The following CDR2 variants were observed in gnomAD, a reference collection of about 807,000 sequenced individuals.
The protein encoded by CDR2 is cerebellar degeneration-related protein 2.
A neutral mutation model predicts 48.4 loss-of-function variants in CDR2; 34 were observed. That is an observed-to-expected ratio of 0.70 (90% CI 0.53 to 0.94). The LOEUF is 0.94. Ranked by LOEUF, CDR2 falls within the 40% of genes least tolerant of loss-of-function variation. The pLI, the probability that CDR2 is intolerant of heterozygous loss-of-function variation, is 0.00. For missense variants in CDR2, 498 were observed against 549.5 expected (o/e 0.91, Z 0.94); for synonymous variants, 240 against 219.7 (o/e 1.09, Z -0.82).
intron 2 of CDR2, among the ~76,000 whole-genome samples, chr16:22,353,318 G>A (rs1341564758): frequency 6.6e-6 from 1 of 152,194 alleles, no homozygotes; most frequent in Admixed American, 6.5e-5. Flanking sequence ...ATGGGAGGCA[G>A]TGGTATAGTA....
intron 1 of CDR2, 84 bp downstream of exon 1, chr16:22,374,146 CA>C (rs1177889805): frequency 2.2e-6 from 2 of 905,264 alleles, no homozygotes; most frequent in African/African-American, 3.5e-5. Context: ...CCTCCGCCGC[CA>C]CAAAAAGCAA....
chr16:22,354,457 T>C (rs1445394447), intron 2 of CDR2, among the ~76,000 whole-genome samples: 1 of 152,256 alleles, frequency 6.6e-6, no homozygotes, highest in Non-Finnish European at 1.5e-5. Context: ...CACTTTGGTA[T>C]GTTCTTAACA....
At chr16:22,369,099 T>C (rs890763129) in intron 1 of CDR2, 2 of 152,058 alleles carry the variant, frequency 1.3e-5, no homozygotes, top group African/African-American at 4.8e-5. Flanking sequence ...AAGTGGTAAT[T>C]CCTCACTGGG....
chr16:22,352,113 G>A (rs1490131249), intron 2 of CDR2, among the ~76,000 whole-genome samples: 1 of 152,170 alleles, frequency 6.6e-6, no homozygotes, highest in Non-Finnish European at 1.5e-5. Flanking sequence ...TTAGTCCGGC[G>A]TGGTGGCACG....
At chr16:22,368,643 CAG>C (rs1290384654) in intron 1 of CDR2, among the ~76,000 whole-genome samples, 1 of 152,178 alleles carries the variant, frequency 6.6e-6, no homozygotes, top group East Asian at 1.9e-4. Context: ...ACAGATCAAA[CAG>C]AAACTCTTAG....
Position 22,364,887 on chromosome 16 carries a change from T to G in CDR2, c.192+15A>C, listed in dbSNP as rs755813033. On this transcript the variant is annotated intron_variant, in intron 2 of 4. Transcript: ENST00000268383. ...CGAAGTGTCAAAAGTGTAACTCTCC[T>G]GCCAAGTGAATTACCTCAATTTCCT... 1 of 1,485,766 alleles carries G rather than the reference T, an allele frequency of 6.7e-7. No homozygotes were observed. The highest frequency in any genetic ancestry group is 9.4e-7 in the Non-Finnish European group (1 of 1,063,478). The allele number at this position is 1,485,766 out of a possible 1,614,324, so 92.0% of individuals were successfully genotyped here. A position where few individuals can be genotyped will look rare whatever the true frequency, so the allele number is the denominator to read the frequency against.
Position 22,350,018 on chromosome 16 carries a change from G to A in CDR2, c.193-169C>T, listed in dbSNP as rs1424518975. On this transcript the variant is annotated intron_variant, in intron 2 of 4. Transcript: ENST00000268383. ...AGCCTGACCAACATGCTGAAACCCC[G>A]TCTCCACTAAAAATACAAAAATTAG... 5.3e-5 allele frequency among the ~76,000 whole-genome samples: 8 copies of A among 151,784 alleles called. 1 individual carries two copies. The East Asian group carries it at 5.8e-4, about 11-fold the overall frequency.
chr16:22,365,855 G>C, intron 1 of CDR2, among the ~76,000 whole-genome samples: 1 of 152,172 alleles, frequency 6.6e-6, no homozygotes, highest in South Asian at 2.1e-4. Context: ...TGATACAGTG[G>C]GAAATGCACT....
intron 2 of CDR2, among the ~76,000 whole-genome samples, chr16:22,361,588 T>C (rs1012024824): frequency 2.6e-5 from 4 of 152,244 alleles, no homozygotes; most frequent in African/African-American, 7.2e-5. Context: ...GGGAATCCCC[T>C]GGCTGGTAAG....
chr16:22,352,742 T>C (rs2141844828), intron 2 of CDR2, among the ~76,000 whole-genome samples: 1 of 152,346 alleles, frequency 6.6e-6, no homozygotes, highest in East Asian at 1.9e-4. Context: ...TAAGTGGATC[T>C]GTTAGTACCT....
chr16:22,347,277 C>T lies in CDR2; in HGVS notation c.1053G>A (p.Thr351=), dbSNP rs765693660. Residue 351 remains threonine, a synonymous_variant, in exon 5 of 5, where the codon ACG becomes ACA. Transcript: ENST00000268383. ...RGISLLHEVD[T]QYSALKVKYE... is the part of the protein sequence containing the mutation. The stretch of plus-strand genomic sequence containing the variant: ...ACTTCACCTTCAGGGCGCTGTACTG[C>T]GTGTCCACTTCGTGCAGAAGGGAGA... 2.2e-5 allele frequency: 35 copies of T among 1,614,126 alleles called. 1 individual carries two copies. The highest frequency in any genetic ancestry group is 2.1e-4 in the South Asian group (19 of 91,096).
At chr16:22,372,765 T>C (rs1401833519) in intron 1 of CDR2, among the ~76,000 whole-genome samples, 2 of 152,202 alleles carry the variant, frequency 1.3e-5, no homozygotes, top group Non-Finnish European at 1.5e-5. Context: ...TAAAGGTGAA[T>C]TACTTTGGTT....
chr16:22,364,806 G>C, intron 2 of CDR2, 96 bp downstream of exon 2: 1 of 666,968 alleles, frequency 1.5e-6, no homozygotes. Context: ...ATAAAATGCT[G>C]CATCTAATTG....
chr16:22,362,059 G>A (rs1360099100), intron 2 of CDR2, among the ~76,000 whole-genome samples: 5 of 151,822 alleles, frequency 3.3e-5, no homozygotes, highest in East Asian at 3.9e-4. Flanking sequence ...CCGCCACCAC[G>A]CCCGGCTAAT....
intron 2 of CDR2, among the ~76,000 whole-genome samples, chr16:22,350,240 C>T (rs759119337): frequency 1.1e-4 from 16 of 152,114 alleles, no homozygotes; most frequent in Non-Finnish European, 2.2e-4. Flanking sequence ...ACCAATTCTC[C>T]GATTGTCAGC....
intron 1 of CDR2, among the ~76,000 whole-genome samples, chr16:22,366,621 T>A (rs1213746388): frequency 6.6e-6 from 1 of 151,172 alleles, no homozygotes; most frequent in East Asian, 1.9e-4. Flanking sequence ...CTGAGGAGGG[T>A]GGAGCAGAAT....
At chr16:22,373,562 T>G (rs1016035104) in intron 1 of CDR2, among the ~76,000 whole-genome samples, 74 of 152,274 alleles carry the variant, frequency 4.9e-4, no homozygotes, top group African/African-American at 1.7e-3. Context: ...ATATGGAAAA[T>G]GGGATAACAA....
At chr16:22,371,385 T>C (rs906780230) in intron 1 of CDR2, among the ~76,000 whole-genome samples, 1 of 152,182 alleles carries the variant, frequency 6.6e-6, no homozygotes, top group Non-Finnish European at 1.5e-5. Context: ...AAGTGTCTAC[T>C]GAGGGCCTAC....
chr16:22,363,169 T>C lies in CDR2; in HGVS notation c.192+1733A>G, dbSNP rs186194407. Among the ~76,000 whole-genome samples the C allele has an allele frequency of 1.1e-4, 16 of 152,236 alleles. No homozygotes were observed. The East Asian group carries it at 3.1e-3, about 29-fold the overall frequency. ...ATTGGCCAGACTGGTCTCGAACTCC[T>C]GACCTCAAGTGATCTGCCTGCCTCT... is the stretch of plus-strand genomic sequence containing the variant. On this transcript the variant is annotated intron_variant, in intron 2 of 4. Transcript: ENST00000268383.
Sources: gnomAD v4.1 joint callset for allele counts (sites outside exome capture counted in the v4.1 genomes callset) on GRCh38, gnomAD v4.1.1 for gene constraint, MANE v1.5 for transcripts, NCBI Gene and HGNC (gene_info 2026-07-23, HGNC 2026-07-21) for gene names.